Variants in KATNIP observed in about 807,000 individuals in gnomAD.
KATNIP encodes the protein katanin interacting protein.
KATNIP carries 126 observed loss-of-function variants against 174.0 expected under a neutral mutation model. The observed-to-expected ratio is 0.72, with a 90% confidence interval of 0.63 to 0.84. The LOEUF (loss-of-function observed/expected upper bound fraction) is 0.84. KATNIP is among the 40% of genes least tolerant of loss of function. KATNIP has a pLI of 0.00. For synonymous variants in KATNIP, 810 were observed against 835.7 expected, an observed-to-expected ratio of 0.97 and a Z score of 0.53; for missense variants, 1,958 against 2,109.7, an observed-to-expected ratio of 0.93 and a Z score of 1.41.
intron 1 of KATNIP, among the ~76,000 whole-genome samples, chr16:27,557,992 G>T (rs1032358434): frequency 6.6e-6 from 1 of 152,092 alleles, no homozygotes; most frequent in African/African-American, 2.4e-5. Flanking sequence ...AGAGGGAGGT[G>T]GGCCTGTCTA....
At chr16:27,747,127 C>T (rs2143707324) in intron 15 of KATNIP, among the ~76,000 whole-genome samples, 1 of 152,242 alleles carries the variant, frequency 6.6e-6, no homozygotes, top group African/African-American at 2.4e-5. Context: ...GCGGCCTGGG[C>T]CTTGGGACAC....
intron 20 of KATNIP, among the ~76,000 whole-genome samples, chr16:27,769,357 C>G (rs575121664): frequency 1.3e-5 from 2 of 152,280 alleles, no homozygotes; most frequent in African/African-American, 2.4e-5. Context: ...ATGTGTGAGC[C>G]AGGGGTTGAA....
intron 23 of KATNIP, among the ~76,000 whole-genome samples, chr16:27,773,873 A>G: frequency 6.6e-6 from 1 of 152,120 alleles, no homozygotes; most frequent in Non-Finnish European, 1.5e-5. Context: ...CTCACTGCTA[A>G]TATTTTCTCA....
At chr16:27,741,424 C>T (rs563806220) in intron 15 of KATNIP, among the ~76,000 whole-genome samples, 1 of 150,412 alleles carries the variant, frequency 6.6e-6, no homozygotes, top group East Asian at 2.0e-4. Flanking sequence ...GGTGACACAG[C>T]GAGACTCTGT....
intron 15 of KATNIP, among the ~76,000 whole-genome samples, chr16:27,746,490 G>A (rs1413202097): frequency 6.6e-6 from 1 of 152,182 alleles, no homozygotes; most frequent in African/African-American, 2.4e-5. Context: ...GACAGGTGGA[G>A]GGGGGAGTCC....
chr16:27,747,318 G>A (rs942108943), intron 15 of KATNIP, among the ~76,000 whole-genome samples: 4 of 152,240 alleles, frequency 2.6e-5, no homozygotes, highest in Non-Finnish European at 4.4e-5. Flanking sequence ...TGTTCACTTG[G>A]AGAAGGCATT....
At chr16:27,587,674 C>T (rs1003959102) in intron 2 of KATNIP, among the ~76,000 whole-genome samples, 1 of 152,178 alleles carries the variant, frequency 6.6e-6, no homozygotes, top group Non-Finnish European at 1.5e-5. Flanking sequence ...AATCATCTAA[C>T]ACAAGGCATG....
intron 5 of KATNIP, among the ~76,000 whole-genome samples, chr16:27,639,707 G>A (rs1029963239): frequency 6.6e-6 from 1 of 152,202 alleles, no homozygotes; most frequent in African/African-American, 2.4e-5. Flanking sequence ...GTAAAAATGG[G>A]AAGTGTTGGG....
intron 2 of KATNIP, among the ~76,000 whole-genome samples, chr16:27,586,192 C>T (rs1397730526): frequency 1.3e-5 from 2 of 152,166 alleles, no homozygotes; most frequent in South Asian, 4.1e-4. Context: ...CCCTTTTACC[C>T]TGATGTGCTT....
At chr16:27,696,957 G>A (rs2078934598) in intron 8 of KATNIP, among the ~76,000 whole-genome samples, 1 of 152,038 alleles carries the variant, frequency 6.6e-6, no homozygotes, top group South Asian at 2.1e-4. Flanking sequence ...TCGAACTCCT[G>A]ACTTCAGGTG....
intron 10 of KATNIP, among the ~76,000 whole-genome samples, chr16:27,700,927 G>A (rs1043994078): frequency 4.6e-5 from 7 of 152,166 alleles, no homozygotes; most frequent in Non-Finnish European, 1.0e-4. Context: ...CCCAGGTCCG[G>A]AATTTCTGAA....
In KATNIP at chr16:27,677,945, T is replaced by C; in HGVS notation, c.757T>C (p.Ser253Pro). 6.2e-7 allele frequency: 1 copy of C among 1,614,236 alleles called. No individual in the cohort carries two copies. The highest frequency in any genetic ancestry group is 8.5e-7 in the Non-Finnish European group (1 of 1,180,036). Residue 253 changes from serine to proline, a missense_variant, in exon 7 of 28, where the codon TCT becomes CCT. Ser to Pro is a moderately conservative substitution (Grantham distance 74). Around this residue, in one of 3 missense-constraint regions of KATNIP, gnomAD observed 1,557 missense variants for 1,617.8 expected, o/e 0.96. Coordinates refer to ENST00000261588, the MANE Select transcript of KATNIP (RefSeq NM_015202.5). ...HGEQETEGRSSPGPDTLVVLE... is the reference protein window; with the variant it reads ...HGEQETEGRSPPGPDTLVVLE... ...GGAACAGGAGACAGAAGGACGCTCT[T>C]CTCCAGGCCCAGACACCCTCGTGGT...
At chr16:27,572,254 A>T (rs1191351994) in intron 1 of KATNIP, among the ~76,000 whole-genome samples, 1 of 151,608 alleles carries the variant, frequency 6.6e-6, no homozygotes, top group Non-Finnish European at 1.5e-5. Flanking sequence ...CCATCTCTAT[A>T]AAAAAAATTT....
intron 2 of KATNIP, among the ~76,000 whole-genome samples, chr16:27,587,599 A>G (rs1207390787): frequency 6.6e-6 from 1 of 152,220 alleles, no homozygotes; most frequent in Non-Finnish European, 1.5e-5. Context: ...GCTGAACATC[A>G]TAGCTCAACC....
At chr16:27,574,357 G>C (rs1025159734) in intron 2 of KATNIP, 26 of 211,736 alleles carry the variant, frequency 1.2e-4, no homozygotes, top group African/African-American at 5.6e-4. Context: ...TGTCGACTGG[G>C]GGGTAGTTGA....
intron 8 of KATNIP, among the ~76,000 whole-genome samples, chr16:27,687,797 G>A (rs1202487796): frequency 6.6e-6 from 1 of 152,190 alleles, no homozygotes; most frequent in Non-Finnish European, 1.5e-5. Context: ...ACACCCCTCA[G>A]TGTGAGTGAA....
chr16:27,681,658 AT>A, intron 8 of KATNIP, 128 bp downstream of exon 8: 1 of 1,011,220 alleles, frequency 9.9e-7, no homozygotes, highest in Non-Finnish European at 1.5e-6. Flanking sequence ...TAGCAAATGT[AT>A]TAGTCAGGGG....
chr16:27,617,215 T>C (rs2076066913), intron 2 of KATNIP, among the ~76,000 whole-genome samples: 1 of 152,210 alleles, frequency 6.6e-6, no homozygotes. Context: ...ATTAACTGAA[T>C]TGTCTGGATA....
intron 18 of KATNIP, among the ~76,000 whole-genome samples, chr16:27,756,085 C>G (rs771109157): frequency 1.3e-5 from 2 of 152,152 alleles, no homozygotes; most frequent in Non-Finnish European, 2.9e-5. Context: ...GAGCAGTGCC[C>G]TAAGTGAGCT....
Sources: gnomAD v4.1 joint callset for allele counts (sites outside exome capture counted in the v4.1 genomes callset) on GRCh38, gnomAD v4.1.1 for gene constraint, gnomAD v4.1.1 regional missense constraint, MANE v1.5 for transcripts, NCBI Gene and HGNC (gene_info 2026-07-23, HGNC 2026-07-21) for gene names.